GAB2: variants seen among roughly 807,000 people sequenced by gnomAD.
GAB2 encodes GRB2 associated binding protein 2.
In GAB2, 26 loss-of-function variants were observed where a neutral mutation model predicts 65.5. The ratio of observed to expected loss-of-function variants is 0.40; its 90% confidence interval spans 0.29 to 0.55. The LOEUF (loss-of-function observed/expected upper bound fraction) is 0.55. Among genes scored for constraint, GAB2 ranks in the 20% least tolerant of loss-of-function variants. The probability of loss-of-function intolerance (pLI) is 0.53; values close to 1 mark genes in which losing one functional copy is unlikely to be tolerated. For missense variants in GAB2, 884 were observed against 875.8 expected (o/e 1.01, Z -0.12); for synonymous variants, 321 against 329.6 (o/e 0.97, Z 0.28).
intron 1 of GAB2, among the ~76,000 whole-genome samples, chr11:78,333,910 CTT>C (rs1405005647): frequency 1.3e-5 from 2 of 152,038 alleles, no homozygotes; most frequent in Admixed American, 1.3e-4. Context: ...TCAGTTTTCT[CTT>C]GTCTTACTCT....
chr11:78,409,359 C>T (rs552063727), intron 1 of GAB2, among the ~76,000 whole-genome samples: 180 of 152,166 alleles, frequency 1.2e-3, no homozygotes, highest in African/African-American at 4.0e-3. Flanking sequence ...CCGAGGCAGG[C>T]GGATGACCTG....
intron 1 of GAB2, among the ~76,000 whole-genome samples, chr11:78,343,696 T>A (rs941150248): frequency 6.6e-6 from 1 of 152,180 alleles, no homozygotes; most frequent in Non-Finnish European, 1.5e-5. Context: ...GAGGCACATA[T>A]GTGATTTTAA....
At chr11:78,241,650 A>T (rs1327875674) in intron 3 of GAB2, among the ~76,000 whole-genome samples, 3 of 152,182 alleles carry the variant, frequency 2.0e-5, no homozygotes, top group African/African-American at 7.2e-5. Context: ...TGAAGAATTC[A>T]ATGAATGAAA....
intron 1 of GAB2, among the ~76,000 whole-genome samples, chr11:78,292,229 G>T (rs1030692585): frequency 6.6e-6 from 1 of 152,082 alleles, no homozygotes; most frequent in African/African-American, 2.4e-5. Context: ...GGCAGTTTTT[G>T]GTTTTACCCT....
At position 78,226,697 on chromosome 11, in the gene GAB2, C is replaced by T; in HGVS notation, c.975G>A (p.Gln325=). ...DVPATPLSAY[Q]IPRTFTLDKN... ...TGTCCAGAGTGAATGTCCTAGGGAT[C>T]TGGTAGGCTGAGAGTGGGGTGGCCG... is the stretch of plus-strand genomic sequence containing the variant. The change falls in exon 4 of 10, where the codon CAG becomes CAA. Residue 325 remains glutamine (Q), a synonymous_variant. Transcript: ENST00000361507. The T allele has an allele frequency of 6.2e-7, 1 of 1,614,004 alleles. No individual in the cohort carries two copies. Among genetic ancestry groups the T allele is most frequent in the South Asian group, 1.1e-5 (1 of 91,076 alleles).
intron 2 of GAB2, among the ~76,000 whole-genome samples, chr11:78,259,675 T>C (rs1865683448): frequency 6.6e-6 from 1 of 152,160 alleles, no homozygotes; most frequent in Non-Finnish European, 1.5e-5. Context: ...ACTCACATAA[T>C]ATAGCAATTG....
chr11:78,387,711 T>G (rs1856785868), intron 1 of GAB2, among the ~76,000 whole-genome samples: 1 of 152,184 alleles, frequency 6.6e-6, no homozygotes, highest in Non-Finnish European at 1.5e-5. Flanking sequence ...GCCAACTACC[T>G]CATGTAGAAA....
chr11:78,361,438 G>A (rs1488600812), intron 1 of GAB2, among the ~76,000 whole-genome samples: 4 of 149,718 alleles, frequency 2.7e-5, no homozygotes, highest in Non-Finnish European at 5.9e-5. Context: ...AATGCCTATG[G>A]ACAAAGCAAG....
chr11:78,278,236 A>C (rs1165345647), intron 2 of GAB2, among the ~76,000 whole-genome samples: 1 of 150,736 alleles, frequency 6.6e-6, no homozygotes, highest in South Asian at 2.1e-4. Context: ...TGCCTGGTTA[A>C]TTTTTGTATT....
intron 1 of GAB2, among the ~76,000 whole-genome samples, chr11:78,346,701 A>T (rs1199899266): frequency 2.1e-5 from 2 of 95,152 alleles, no homozygotes; most frequent in African/African-American, 1.4e-4. Context: ...ATATATATAT[A>T]TATATATATA....
At position 78,417,813 on chromosome 11, in the gene GAB2, G is replaced by T; in HGVS notation, c.-93C>A. 13 of 586,348 alleles carry T rather than the reference G, an allele frequency of 2.2e-5. No individual in the cohort carries two copies. The highest frequency in any genetic ancestry group is 2.8e-5 in the Non-Finnish European group (13 of 464,728). 36.3% of individuals were successfully genotyped at this position (586,348 alleles called of 1,614,324 possible). A position where few individuals can be genotyped will look rare whatever the true frequency, so the allele number is the denominator to read the frequency against. Reference sequence around the variant, plus strand: ...GGCCGGCGGTGCGCAGCTCGCGGGAGGCCAGGGGCGGGGCGGGCGGCCCGG... The same window carrying T: ...GGCCGGCGGTGCGCAGCTCGCGGGATGCCAGGGGCGGGGCGGGCGGCCCGG... On this transcript the variant is annotated 5_prime_UTR_variant, in exon 1 of 10. Coordinates refer to ENST00000361507, the MANE Select transcript of GAB2 (RefSeq NM_080491.3).
At chr11:78,234,940 G>C (rs1015226041) in intron 3 of GAB2, among the ~76,000 whole-genome samples, 2 of 151,876 alleles carry the variant, frequency 1.3e-5, no homozygotes, top group Non-Finnish European at 2.9e-5. Flanking sequence ...AACCCAGGAG[G>C]CGAAGGTTGC....
At chr11:78,333,219 T>C (rs1855944900) in intron 1 of GAB2, among the ~76,000 whole-genome samples, 1 of 152,202 alleles carries the variant, frequency 6.6e-6, no homozygotes, top group African/African-American at 2.4e-5. Context: ...GTCCTTCTTC[T>C]AGGATTATAA....
chr11:78,272,192 G>C (rs1222321862), intron 2 of GAB2, among the ~76,000 whole-genome samples: 1 of 152,186 alleles, frequency 6.6e-6, no homozygotes, highest in African/African-American at 2.4e-5. Flanking sequence ...CAGTAGAGTG[G>C]GGTGCTGCTG....
intron 9 of GAB2, among the ~76,000 whole-genome samples, chr11:78,220,026 G>T (rs1864341319): frequency 6.6e-6 from 1 of 152,128 alleles, no homozygotes; most frequent in African/African-American, 2.4e-5. Flanking sequence ...GATTCACTTT[G>T]TAACCTTAGG....
chr11:78,255,880 C>T (rs541760992), intron 2 of GAB2, among the ~76,000 whole-genome samples: 2 of 152,280 alleles, frequency 1.3e-5, no homozygotes, highest in Admixed American at 1.3e-4. Flanking sequence ...ACATGGTGTG[C>T]TACATGTAAC....
At chr11:78,321,727 G>A (rs1437625756) in intron 1 of GAB2, among the ~76,000 whole-genome samples, 1 of 152,122 alleles carries the variant, frequency 6.6e-6, no homozygotes, top group Non-Finnish European at 1.5e-5. Flanking sequence ...CACCACATTA[G>A]TCAACTTTCA....
chr11:78,229,498 TG>T, intron 3 of GAB2, among the ~76,000 whole-genome samples: 1 of 152,304 alleles, frequency 6.6e-6, no homozygotes, highest in South Asian at 2.1e-4. Context: ...CATCTTCCTC[TG>T]GAACTCTTCT....
At chr11:78,369,025 C>T (rs554019348) in intron 1 of GAB2, among the ~76,000 whole-genome samples, 10 of 151,644 alleles carry the variant, frequency 6.6e-5, no homozygotes, top group Non-Finnish European at 1.5e-4. Context: ...GTAGTCCCAG[C>T]TACTCAGGAG....
Sources: gnomAD v4.1 joint callset for allele counts (sites outside exome capture counted in the v4.1 genomes callset) on GRCh38, gnomAD v4.1.1 for gene constraint, MANE v1.5 for transcripts, NCBI Gene and HGNC (gene_info 2026-07-23, HGNC 2026-07-21) for gene names.